BLVRA: variants seen among roughly 807,000 people sequenced by gnomAD.
BLVRA encodes BVR A.
BLVRA carries 22 observed loss-of-function variants against 32.8 expected under a neutral mutation model. The ratio of observed to expected loss-of-function variants is 0.67; its 90% CI spans 0.48 to 0.96. The LOEUF is 0.96. Among genes scored for constraint, BLVRA ranks in the 40% least tolerant of loss-of-function variants. The pLI is 0.00. For synonymous variants in BLVRA, 119 were observed against 141.3 expected, an observed-to-expected ratio of 0.84 and a Z score of 1.12; for missense variants, 323 against 358.1, an observed-to-expected ratio of 0.90 and a Z score of 0.79.
chr7:43,783,445 G>A (rs1038858607), intron 2 of BLVRA, among the ~76,000 whole-genome samples: 3 of 152,078 alleles, frequency 2.0e-5, no homozygotes, highest in Admixed American at 6.5e-5. Flanking sequence ...CATCTATCTT[G>A]GAGACCAGTC....
chr7:43,787,436 T>C lies in BLVRA; in HGVS notation c.13-468T>C, dbSNP rs1311127862. Among the ~76,000 whole-genome samples the C allele has an allele frequency of 6.6e-6, 1 of 152,150 alleles. No individual in the cohort carries two copies. The highest frequency in any genetic ancestry group is 6.5e-5 in the Admixed American group (1 of 15,286). On this transcript the variant is annotated intron_variant, in intron 2 of 7. Transcript: ENST00000265523. This position sits in a 1 kb window ranked among gnomAD's most constrained non-coding sequence, Gnocchi z 4.5. ...CCACGCTGAGTAAGGTGACCAATCA[T>C]GGTTTGCCCATTTGCCTCCTCTGCC...
intron 2 of BLVRA, among the ~76,000 whole-genome samples, chr7:43,782,196 T>C (rs1382227238): frequency 6.6e-6 from 1 of 152,210 alleles, no homozygotes; most frequent in Non-Finnish European, 1.5e-5. Context: ...ATTCAGAGAC[T>C]GTTAAGTAAT....
At chr7:43,791,209 G>A (rs375292103) in intron 3 of BLVRA, 40 bp from the exon 4 acceptor site, 51 of 1,613,076 alleles carry the variant, frequency 3.2e-5, no homozygotes, top group Non-Finnish European at 4.2e-5. Flanking sequence ...CCTTTCTTCT[G>A]TCTACCATTG....
intron 2 of BLVRA, among the ~76,000 whole-genome samples, chr7:43,774,981 A>G (rs1200051674): frequency 6.6e-6 from 1 of 152,130 alleles, no homozygotes; most frequent in Non-Finnish European, 1.5e-5. Flanking sequence ...ATTTTTGTAC[A>G]TTGATTTTGT....
At chr7:43,793,725 G>C (rs925304850) in intron 5 of BLVRA, among the ~76,000 whole-genome samples, 3 of 151,042 alleles carry the variant, frequency 2.0e-5, no homozygotes, top group South Asian at 4.2e-4. Flanking sequence ...CTGGGTTCAA[G>C]GGATTCTCCT....
chr7:43,766,024 A>G (rs1462947889), intron 1 of BLVRA, among the ~76,000 whole-genome samples: 2 of 152,268 alleles, frequency 1.3e-5, no homozygotes, highest in Non-Finnish European at 1.5e-5. Context: ...GTGGTAGCTC[A>G]TGCCTGTAAT....
intron 1 of BLVRA, among the ~76,000 whole-genome samples, chr7:43,759,290 T>G (rs1222845767): frequency 2.0e-5 from 3 of 152,266 alleles, no homozygotes; most frequent in Non-Finnish European, 4.4e-5. Flanking sequence ...GTGTGAGGGT[T>G]ACATGACAGT....
Position 43,782,112 on chromosome 7 carries a change from C to T in BLVRA, c.13-5792C>T, listed in dbSNP as rs116984052. Reference sequence around the variant, plus strand: ...CGGGGTGCCTCGCTCATCTTAGCATCCCCATGGCATCTGACTTGATGCCTC... The same window carrying T: ...CGGGGTGCCTCGCTCATCTTAGCATTCCCATGGCATCTGACTTGATGCCTC... On this transcript the variant is annotated intron_variant, in intron 2 of 7. Coordinates refer to ENST00000265523, the MANE Select transcript of BLVRA (RefSeq NM_000712.4). Among the ~76,000 whole-genome samples, 89 of 152,296 alleles carry T rather than the reference C, an allele frequency of 5.8e-4. No individual in the cohort carries two copies. The East Asian group carries it at 0.017, about 28-fold the overall frequency.
Position 43,806,965 on chromosome 7 carries a change from T to C in BLVRA, c.633-12T>C. ...ATCTCTAACATGATTCTTTTGTCTT[T>C]TGTCTTTGCAGTCCACTGTCATGGA... On this transcript the variant is annotated splice_polypyrimidine_tract_variant and intron_variant, in intron 7 of 7. Transcript: ENST00000265523. 6.2e-7 allele frequency: 1 copy of C among 1,613,534 alleles called. No homozygotes were observed. The highest frequency in any genetic ancestry group is 8.5e-7 in the Non-Finnish European group (1 of 1,179,992).
At chr7:43,778,451 C>T (rs1057083857) in intron 2 of BLVRA, among the ~76,000 whole-genome samples, 1 of 152,218 alleles carries the variant, frequency 6.6e-6, no homozygotes, top group Non-Finnish European at 1.5e-5. Context: ...GGCTGCAGTA[C>T]AGCGGTGGCT....
chr7:43,774,161 A>G (rs1025697910), intron 2 of BLVRA, among the ~76,000 whole-genome samples: 4 of 152,102 alleles, frequency 2.6e-5, no homozygotes, highest in South Asian at 2.1e-4. Flanking sequence ...CCATTTGTCC[A>G]TTTTGGCTTT....
intron 2 of BLVRA, among the ~76,000 whole-genome samples, chr7:43,781,516 T>C (rs2095769433): frequency 6.6e-6 from 1 of 152,188 alleles, no homozygotes; most frequent in African/African-American, 2.4e-5. Context: ...CAGCTAATTT[T>C]AGTAGAGACT....
chr7:43,763,586 T>A (rs1028501995), intron 1 of BLVRA, among the ~76,000 whole-genome samples: 2 of 152,218 alleles, frequency 1.3e-5, no homozygotes, highest in Non-Finnish European at 2.9e-5. Context: ...AAGCACATAC[T>A]GCGCACCCGT....
chr7:43,773,277 A>T (rs761917663), intron 2 of BLVRA, among the ~76,000 whole-genome samples: 3 of 151,844 alleles, frequency 2.0e-5, no homozygotes, highest in African/African-American at 7.3e-5. Flanking sequence ...TCCTAATGCT[A>T]TCCCTCCCCT....
chr7:43,759,004 C>A (rs530861915), intron 1 of BLVRA, among the ~76,000 whole-genome samples: 2 of 152,226 alleles, frequency 1.3e-5, no homozygotes, highest in Non-Finnish European at 2.9e-5. Flanking sequence ...ATTAAGTCTC[C>A]ATTTCGGTTA....
intron 5 of BLVRA, among the ~76,000 whole-genome samples, chr7:43,797,860 T>C (rs1451635825): frequency 6.6e-6 from 1 of 152,138 alleles, no homozygotes; most frequent in Non-Finnish European, 1.5e-5. Context: ...CTGATGTTTC[T>C]TCATGATTAG....
intron 1 of BLVRA, among the ~76,000 whole-genome samples, chr7:43,769,208 T>A (rs941455627): frequency 1.3e-5 from 2 of 152,014 alleles, no homozygotes; most frequent in African/African-American, 4.8e-5. Context: ...TTTAATTTTT[T>A]AAGTAAAGAC....
intron 5 of BLVRA, among the ~76,000 whole-genome samples, chr7:43,795,830 G>A (rs2095792038): frequency 6.6e-6 from 1 of 151,878 alleles, no homozygotes. Context: ...AGTCGGCCGG[G>A]TGCAGTGGCT....
Position 43,807,169 on chromosome 7 carries a change from G to C in BLVRA, c.825G>C (p.Lys275Asn). 9 of 1,613,462 alleles carry C rather than the reference G, an allele frequency of 5.6e-6. No homozygotes were observed. The highest frequency in any genetic ancestry group is 7.6e-6 in the Non-Finnish European group (9 of 1,180,026). The change falls in exon 8 of 8, where the codon AAG becomes AAC. Residue 275 changes from lysine to asparagine, a missense_variant. Transcript: ENST00000265523. ...CTGAGAAGGAACTGGCTGCTGAAAA[G>C]AAACGCATCCTGCACTGCCTGGGGC... is the stretch of plus-strand genomic sequence containing the variant. ...QFSEKELAAE[K>N]KRILHCLGLA...
Sources: allele counts gnomAD v4.1 joint callset (sites outside exome capture counted in the v4.1 genomes callset), GRCh38; gene constraint gnomAD v4.1.1; non-coding constraint Gnocchi (gnomAD v3.1); transcripts MANE v1.5; gene names NCBI Gene and HGNC (gene_info 2026-07-23, HGNC 2026-07-21).